SPIDR: variants seen among roughly 807,000 people sequenced by gnomAD.
SPIDR encodes the protein scaffold protein involved in DNA repair.
In SPIDR, 93 loss-of-function variants were observed where a neutral mutation model predicts 104.6. The observed-to-expected ratio is 0.89, with a 90% confidence interval of 0.75 to 1.06. The LOEUF (loss-of-function observed/expected upper bound fraction) is 1.06. Among genes scored for constraint, SPIDR ranks in the 50% least tolerant of loss-of-function variants. SPIDR has a pLI of 0.00. For synonymous variants in SPIDR, 431 were observed against 416.9 expected (o/e 1.03, Z -0.41); for missense variants, 1,154 against 1,111.2 (o/e 1.04, Z -0.55).
At chr8:47,482,744 G>A (rs1479711122) in intron 8 of SPIDR, among the ~76,000 whole-genome samples, 7 of 152,182 alleles carry the variant, frequency 4.6e-5, no homozygotes, top group Non-Finnish European at 8.8e-5. Context: ...GGAGGAGGGC[G>A]CAGCTCCTGA....
chr8:47,298,701 A>T (rs1194384800), intron 5 of SPIDR, among the ~76,000 whole-genome samples: 2 of 152,076 alleles, frequency 1.3e-5, no homozygotes, highest in Non-Finnish European at 2.9e-5. Flanking sequence ...CACCATTTGT[A>T]AAATAGGGAA....
rs889456067 is a variant in SPIDR at position 47,606,812 on chromosome 8, G to A, written c.1544+7616G>A. ...CAGCTCTTCTCCCTGGTTGTGAACCGTTACTTTTCTTCCCACTAAACAGTT... is the reference window on the plus strand; with the variant it reads ...CAGCTCTTCTCCCTGGTTGTGAACCATTACTTTTCTTCCCACTAAACAGTT... On this transcript the variant is annotated intron_variant, in intron 10 of 19. Transcript: ENST00000297423. Among the ~76,000 whole-genome samples the A allele has an allele frequency of 9.9e-5, 15 of 152,174 alleles. No homozygotes were observed. The South Asian group carries it at 1.9e-3, about 19-fold the overall frequency.
intron 3 of SPIDR, among the ~76,000 whole-genome samples, chr8:47,286,113 C>T (rs2038795692): frequency 2.0e-5 from 3 of 152,172 alleles, no homozygotes; most frequent in African/African-American, 7.2e-5. Context: ...AATGATTATC[C>T]TGTCTTTTAA....
chr8:47,356,069 T>G (rs566423306), intron 5 of SPIDR, among the ~76,000 whole-genome samples: 6 of 152,294 alleles, frequency 3.9e-5, no homozygotes, highest in Admixed American at 1.3e-4. Context: ...TGAATGAATG[T>G]AGCAGACACA....
chr8:47,382,596 A>G (rs1421315298), intron 5 of SPIDR, among the ~76,000 whole-genome samples: 1 of 152,060 alleles, frequency 6.6e-6, no homozygotes, highest in Non-Finnish European at 1.5e-5. Context: ...TATTTTTAGT[A>G]GAGACGTGGT....
intron 14 of SPIDR, among the ~76,000 whole-genome samples, chr8:47,705,891 A>T: frequency 6.7e-6 from 1 of 150,050 alleles, no homozygotes; most frequent in East Asian, 2.0e-4. Context: ...ACAGAGTGAG[A>T]CCCTGTCTCA....
intron 7 of SPIDR, among the ~76,000 whole-genome samples, chr8:47,434,083 A>G (rs1415720982): frequency 1.3e-5 from 2 of 152,242 alleles, no homozygotes; most frequent in East Asian, 1.9e-4. Flanking sequence ...AAGCTATAAA[A>G]TACTATTTCA....
At chr8:47,499,544 C>CT (rs759672744) in intron 8 of SPIDR, among the ~76,000 whole-genome samples, 258 of 131,018 alleles carry the variant, frequency 2.0e-3, no homozygotes, top group Middle Eastern at 8.0e-3. Context: ...GGCAGCATTT[C>CT]TTTTTTTTTT....
intron 5 of SPIDR, among the ~76,000 whole-genome samples, chr8:47,322,649 TGGG>T (rs1309179724): frequency 2.6e-5 from 4 of 152,144 alleles, no homozygotes; most frequent in Non-Finnish European, 5.9e-5. Flanking sequence ...GTATGTTTAT[TGGG>T]GGACTATTCA....
chr8:47,363,890 A>G (rs1169742172), intron 5 of SPIDR, among the ~76,000 whole-genome samples: 3 of 147,236 alleles, frequency 2.0e-5, no homozygotes, highest in Non-Finnish European at 4.5e-5. Flanking sequence ...TTTTGGTGGT[A>G]GGTAAGGAAA....
intron 5 of SPIDR, among the ~76,000 whole-genome samples, chr8:47,382,883 A>G (rs879999152): frequency 2.0e-5 from 3 of 152,218 alleles, no homozygotes; most frequent in Non-Finnish European, 4.4e-5. Context: ...AAAAACTGGA[A>G]GATTTCAAGT....
At chr8:47,673,441 ACT>A (rs1248562539) in intron 10 of SPIDR, 1 of 462,200 alleles carries the variant, frequency 2.2e-6, no homozygotes, top group African/African-American at 2.0e-5. Context: ...GGAAAAGGAC[ACT>A]CTGTTTCTAG....
At chr8:47,565,983 TATATATATA>T (rs199719936) in intron 8 of SPIDR, among the ~76,000 whole-genome samples, 47 of 47,378 alleles carry the variant, frequency 9.9e-4, no homozygotes, top group Non-Finnish European at 2.2e-3. Context: ...TATATATATA[TATATATATA>T]TTTTTTTTTT....
intron 8 of SPIDR, chr8:47,592,135 C>T (rs745388770): frequency 4.4e-5 from 62 of 1,400,582 alleles, no homozygotes; most frequent in Non-Finnish European, 5.8e-5. Context: ...ACTTGATGAT[C>T]GGATCAATTT....
In SPIDR at chr8:47,543,962, T is replaced by TA. The variant is rs528041523; in HGVS notation, c.1098-51848dup. Among the ~76,000 whole-genome samples the TA allele has an allele frequency of 1.1e-3, 165 of 152,300 alleles. 1 individual carries two copies. The highest frequency in any genetic ancestry group is 2.1e-3 in the Non-Finnish European group (141 of 68,018). ...TTGTTTTCTGGAGTTGGTTTCCGCT[T>TA]ACTCCTTAGGGAAGAATTCTGGTTA... On this transcript the variant is annotated intron_variant, in intron 8 of 19. Coordinates refer to ENST00000297423, the MANE Select transcript of SPIDR (RefSeq NM_001080394.4).
chr8:47,727,090 TA>T, intron 16 of SPIDR, 109 bp from the exon 17 acceptor site: 1 of 824,832 alleles, frequency 1.2e-6, no homozygotes, highest in Non-Finnish European at 2.0e-6. Flanking sequence ...AACTCCCAAG[TA>T]AGGCAAAAAT....
At chr8:47,436,510 C>T (rs1261308249) in intron 7 of SPIDR, among the ~76,000 whole-genome samples, 9 of 152,102 alleles carry the variant, frequency 5.9e-5, no homozygotes, top group African/African-American at 1.7e-4. Flanking sequence ...TCACTTGAGC[C>T]CAGGACTTCA....
chr8:47,528,275 A>G (rs1244269958), intron 8 of SPIDR: 1 of 152,218 alleles, frequency 6.6e-6, no homozygotes, highest in East Asian at 1.9e-4. Flanking sequence ...GTTTAAATAC[A>G]TATCTCATGT....
At chr8:47,404,431 A>C (rs972182328) in intron 6 of SPIDR, among the ~76,000 whole-genome samples, 4 of 152,240 alleles carry the variant, frequency 2.6e-5, no homozygotes, top group African/African-American at 4.8e-5. Context: ...AAATGGGAGA[A>C]AATTTTTGCA....
Sources: gnomAD v4.1 joint callset for allele counts (sites outside exome capture counted in the v4.1 genomes callset) on GRCh38, gnomAD v4.1.1 for gene constraint, MANE v1.5 for transcripts, NCBI Gene and HGNC (gene_info 2026-07-23, HGNC 2026-07-21) for gene names.